The following SEPTIN14 variants were observed in gnomAD, a reference collection of about 807,000 sequenced individuals.
The protein encoded by SEPTIN14 is septin 14.
Under a neutral mutation model 53.6 loss-of-function variants are expected in SEPTIN14, and 40 were observed. The observed-to-expected ratio is 0.75, with a 90% CI of 0.58 to 0.97. The LOEUF (loss-of-function observed/expected upper bound fraction) is 0.97, where lower values mean the gene tolerates loss of function less well. Among genes scored for constraint, SEPTIN14 ranks in the 50% least tolerant of loss-of-function variants. The pLI, the probability that SEPTIN14 is intolerant of heterozygous loss-of-function variation, is 0.00. For missense variants in SEPTIN14, 471 were observed against 508.2 expected, an observed-to-expected ratio of 0.93 and a Z score of 0.70; for synonymous variants, 138 against 166.8, an observed-to-expected ratio of 0.83 and a Z score of 1.33.
chr7:55,832,358 G>C (rs566754002), intron 6 of SEPTIN14, among the ~76,000 whole-genome samples: 1 of 152,074 alleles, frequency 6.6e-6, no homozygotes, highest in Non-Finnish European at 1.5e-5. Flanking sequence ...GAGATTTCTC[G>C]AAGCACTAAA....
Position 55,857,266 on chromosome 7 carries a change from G to C in SEPTIN14, c.54+4677C>G, listed in dbSNP as rs1390259041. ...GCATGCCTGTAATCCCAGCTACTCA[G>C]GAGGCTGAGGCAGGAGAATCACTTG... On this transcript the variant is annotated intron_variant, in intron 2 of 9. Coordinates refer to ENST00000388975, the MANE Select transcript of SEPTIN14 (RefSeq NM_207366.3). Among the ~76,000 whole-genome samples the C allele has an allele frequency of 2.6e-5, 4 of 151,564 alleles. No individual in the cohort carries two copies. In the East Asian group the frequency reaches 7.9e-4, roughly 30 times the overall value.
intron 4 of SEPTIN14, 109 bp downstream of exon 4, chr7:55,844,414 T>C: frequency 1.9e-6 from 1 of 516,116 alleles, no homozygotes; most frequent in Non-Finnish European, 3.4e-6. Context: ...TAGGAAAATA[T>C]TAAAATCTGG....
intron 6 of SEPTIN14, among the ~76,000 whole-genome samples, chr7:55,821,032 G>A (rs1290744861): frequency 6.6e-6 from 1 of 152,120 alleles, no homozygotes; most frequent in African/African-American, 2.4e-5. Flanking sequence ...CAGATAAAGA[G>A]TTTCATCATC....
At chr7:55,803,861 A>G (rs1788564370) in intron 9 of SEPTIN14, among the ~76,000 whole-genome samples, 1 of 151,724 alleles carries the variant, frequency 6.6e-6, no homozygotes, top group Non-Finnish European at 1.5e-5. Context: ...GCGATGGCTC[A>G]TGTCTGTAAT....
chr7:55,803,349 A>G (rs986008955), intron 9 of SEPTIN14, among the ~76,000 whole-genome samples: 1 of 152,238 alleles, frequency 6.6e-6, no homozygotes, highest in African/African-American at 2.4e-5. Context: ...ATTAGATGGC[A>G]CCTCATATCT....
Position 55,844,632 on chromosome 7 carries a change from T to C in SEPTIN14, c.262A>G (p.Asn88Asp). The change falls in exon 4 of 10, where the codon AAT becomes GAT. Residue 88 changes from asparagine to aspartate, a missense_variant. Asn to Asp is a conservative substitution (Grantham distance 23). Transcript: ENST00000388975. Reference sequence around the variant, plus strand: ...TATGTCTGAATTTGAAGTCCAACATTTGAGTAAAAATGTGAGGATTTGTTA... The same window carrying C: ...TATGTCTGAATTTGAAGTCCAACATCTGAGTAAAAATGTGAGGATTTGTTA... ...KDNKSSHFYS[N>D]VGLQIQTYEL... 6.2e-7 allele frequency: 1 copy of C among 1,610,148 alleles called. No homozygotes were observed. Among genetic ancestry groups the C allele is most frequent in the Middle Eastern group, 1.7e-4 (1 of 6,046 alleles).
rs564435273 is a variant in SEPTIN14, at chr7:55,841,177, G to A, written c.558+1765C>T. Among the ~76,000 whole-genome samples the A allele has an allele frequency of 5.9e-5, 9 of 152,084 alleles. No individual in the cohort carries two copies. The East Asian group carries it at 1.2e-3, about 20-fold the overall frequency. Reference sequence around the variant, plus strand: ...GCCCACCTCAGCCTCCCAAAGTGACGGGATTACAGGCGTGAGCCTCCGCAC... The same window carrying A: ...GCCCACCTCAGCCTCCCAAAGTGACAGGATTACAGGCGTGAGCCTCCGCAC... On this transcript the variant is annotated intron_variant, in intron 5 of 9. Transcript: ENST00000388975.
chr7:55,824,208 C>A (rs11238381), intron 6 of SEPTIN14, among the ~76,000 whole-genome samples: 2 of 151,862 alleles, frequency 1.3e-5, no homozygotes, highest in East Asian at 3.9e-4. Flanking sequence ...GATAAGCCAC[C>A]GACTGAGAGA....
intron 9 of SEPTIN14, among the ~76,000 whole-genome samples, chr7:55,804,031 G>A (rs893521442): frequency 6.7e-6 from 1 of 150,296 alleles, no homozygotes; most frequent in Non-Finnish European, 1.5e-5. Context: ...AGCTACTCGG[G>A]AGGCTGGGGC....
At chr7:55,833,209 G>A (rs896280852) in intron 6 of SEPTIN14, among the ~76,000 whole-genome samples, 2 of 151,878 alleles carry the variant, frequency 1.3e-5, no homozygotes, top group Non-Finnish European at 2.9e-5. Context: ...CAGCTACTCG[G>A]GAGGCTGAGG....
chr7:55,828,591 A>C (rs1032793629), intron 6 of SEPTIN14, among the ~76,000 whole-genome samples: 3 of 152,156 alleles, frequency 2.0e-5, no homozygotes, highest in Non-Finnish European at 2.9e-5. Flanking sequence ...GGCGTGAGCC[A>C]CTGCACCCGG....
chr7:55,828,050 G>C (rs1789021774), intron 6 of SEPTIN14, among the ~76,000 whole-genome samples: 1 of 151,186 alleles, frequency 6.6e-6, no homozygotes, highest in East Asian at 1.9e-4. Flanking sequence ...AGAATGTTTT[G>C]ACACTACCAA....
At chr7:55,858,764 A>T (rs1789692149) in intron 2 of SEPTIN14, among the ~76,000 whole-genome samples, 1 of 152,076 alleles carries the variant, frequency 6.6e-6, no homozygotes, top group Admixed American at 6.6e-5. Flanking sequence ...AGATTGTGCC[A>T]CTGCACTCCA....
At chr7:55,846,439 G>A (rs1437477190) in intron 3 of SEPTIN14, 78 bp downstream of exon 3, 1 of 1,053,708 alleles carries the variant, frequency 9.5e-7, no homozygotes, top group East Asian at 2.5e-5. Flanking sequence ...TAGCATCAAT[G>A]TTACACTGCT....
At chr7:55,809,611 C>T (rs1473399082) in intron 7 of SEPTIN14, among the ~76,000 whole-genome samples, 1 of 151,648 alleles carries the variant, frequency 6.6e-6, no homozygotes, top group African/African-American at 2.4e-5. Flanking sequence ...CGTGCCTCAG[C>T]CTGCCAAAGT....
intron 6 of SEPTIN14, among the ~76,000 whole-genome samples, chr7:55,825,280 A>G (rs1041951673): frequency 6.6e-6 from 1 of 152,224 alleles, no homozygotes; most frequent in African/African-American, 2.4e-5. Context: ...ACTATGTGAT[A>G]TTCCCAAAAT....
chr7:55,799,245 C>G (rs1380998589), intron 9 of SEPTIN14, among the ~76,000 whole-genome samples: 1 of 151,770 alleles, frequency 6.6e-6, no homozygotes, highest in African/African-American at 2.4e-5. Context: ...GTGGCTCATG[C>G]CTGTAATCCC....
At chr7:55,850,236 T>G (rs146981304) in intron 2 of SEPTIN14, among the ~76,000 whole-genome samples, 1 of 152,176 alleles carries the variant, frequency 6.6e-6, no homozygotes, top group African/African-American at 2.4e-5. Context: ...TCTGTGAGGT[T>G]GAGGTGGGTT....
chr7:55,856,539 C>T (rs1423174259), intron 2 of SEPTIN14, among the ~76,000 whole-genome samples: 2 of 151,846 alleles, frequency 1.3e-5, no homozygotes, highest in South Asian at 2.1e-4. Context: ...TCACAGGTGC[C>T]CACCACCACA....
Sources: gnomAD v4.1 joint callset for allele counts (sites outside exome capture counted in the v4.1 genomes callset) on GRCh38, gnomAD v4.1.1 for gene constraint, MANE v1.5 for transcripts, NCBI Gene and HGNC (gene_info 2026-07-23, HGNC 2026-07-21) for gene names.